Variants in LMO7 observed in about 807,000 individuals in gnomAD.
LMO7 encodes the protein LIM domain only protein 7.
A neutral mutation model predicts 206.5 loss-of-function variants in LMO7; 120 were observed. That is an observed-to-expected ratio of 0.58 (90% CI 0.50 to 0.68). The LOEUF (loss-of-function observed/expected upper bound fraction) is 0.68, where lower values mean the gene tolerates loss of function less well. Among genes scored for constraint, LMO7 ranks in the 30% least tolerant of loss-of-function variants. LMO7 has a pLI of 0.00. For synonymous variants in LMO7, 706 were observed against 681.5 expected, an observed-to-expected ratio of 1.04 and a Z score of -0.56; for missense variants, 1,959 against 1,957.9, an observed-to-expected ratio of 1.00 and a Z score of -0.01.
intron 17 of LMO7, chr13:75,835,032 C>A: frequency 1.9e-6 from 1 of 524,354 alleles, no homozygotes; most frequent in Non-Finnish European, 3.0e-6. Flanking sequence ...ATTTCACACG[C>A]TGCCTGATTT....
chr13:75,685,712 A>T (rs1489418287), intron 1 of LMO7, among the ~76,000 whole-genome samples: 1 of 152,036 alleles, frequency 6.6e-6, no homozygotes, highest in East Asian at 1.9e-4. Context: ...ATAGACAAAA[A>T]ATTTGAAGAG....
intron 1 of LMO7, among the ~76,000 whole-genome samples, chr13:75,693,890 A>T (rs1273036454): frequency 1.3e-5 from 2 of 152,102 alleles, no homozygotes; most frequent in African/African-American, 2.4e-5. Flanking sequence ...ATTGTACCTA[A>T]AGTCAACATC....
At chr13:75,756,320 T>G (rs1228646517) in intron 3 of LMO7, among the ~76,000 whole-genome samples, 3 of 152,154 alleles carry the variant, frequency 2.0e-5, no homozygotes, top group African/African-American at 7.2e-5. Context: ...GATAATTGTA[T>G]TTGCAGAAAC....
chr13:75,686,178 C>T lies in LMO7; in HGVS notation c.70-27004C>T, dbSNP rs188424199. 1.3e-3 allele frequency among the ~76,000 whole-genome samples: 199 copies of T among 152,160 alleles called. 2 individuals are homozygous for T. The highest frequency in any genetic ancestry group is 4.5e-3 in the African/African-American group (187 of 41,516). ...ACAGGGGTGTATTAGTCCATTTTCA[C>T]GCTACTGATAAGGACATACCCAAGA... On this transcript the variant is annotated intron_variant, in intron 1 of 30. Coordinates refer to ENST00000377534, the MANE Select transcript of LMO7 (RefSeq NM_001306080.2).
chr13:75,817,292 G>T lies in LMO7; in HGVS notation c.2064+14G>T. ...AAATGGCAGGATGTGAGTATTTTGG[G>T]GATTGGAGGGGAGAGAGTGTATTTG... On this transcript the variant is annotated intron_variant, in intron 12 of 30. Transcript: ENST00000377534. 1 of 1,478,142 alleles carries T rather than the reference G, an allele frequency of 6.8e-7. No homozygotes were observed. Among genetic ancestry groups the T allele is most frequent in the South Asian group, 1.1e-5 (1 of 88,314 alleles). 91.6% of individuals were successfully genotyped at this position (1,478,142 alleles called of 1,614,324 possible).
At chr13:75,722,660 A>G (rs771757136) in intron 2 of LMO7, among the ~76,000 whole-genome samples, 1 of 152,224 alleles carries the variant, frequency 6.6e-6, no homozygotes, top group Admixed American at 6.5e-5. Context: ...ATCTGCCATT[A>G]CTAGGTATCT....
At chr13:75,763,236 G>A (rs1018909480) in intron 4 of LMO7, among the ~76,000 whole-genome samples, 20 of 152,182 alleles carry the variant, frequency 1.3e-4, no homozygotes, top group African/African-American at 3.6e-4. Context: ...ATGGGTCAGG[G>A]ATGCTGCTGA....
At chr13:75,782,127 T>C (rs2051579589) in intron 4 of LMO7, among the ~76,000 whole-genome samples, 1 of 152,224 alleles carries the variant, frequency 6.6e-6, no homozygotes, top group Non-Finnish European at 1.5e-5. Flanking sequence ...AGCTCTTTAG[T>C]TTAATTAGAT....
chr13:75,823,454 C>A, intron 14 of LMO7, 111 bp from the exon 15 acceptor site: 1 of 799,152 alleles, frequency 1.3e-6, no homozygotes, highest in Non-Finnish European at 1.9e-6. Flanking sequence ...AGTTATGTTA[C>A]TGTGGGAGGT....
intron 11 of LMO7, among the ~76,000 whole-genome samples, chr13:75,814,739 G>A (rs1016797757): frequency 2.6e-5 from 4 of 152,208 alleles, no homozygotes; most frequent in African/African-American, 9.7e-5. Context: ...TGGGTCAGGG[G>A]AGAGGGGCAT....
chr13:75,680,687 A>G (rs750282536), intron 1 of LMO7, among the ~76,000 whole-genome samples: 2 of 151,938 alleles, frequency 1.3e-5, no homozygotes, highest in Admixed American at 6.6e-5. Flanking sequence ...CGTCACCTGT[A>G]TTAGGTATTT....
chr13:75,636,916 G>A lies in LMO7; in HGVS notation c.69+190G>A, dbSNP rs537828582. On this transcript the variant is annotated intron_variant, in intron 1 of 30. Coordinates refer to ENST00000377534, the MANE Select transcript of LMO7 (RefSeq NM_001306080.2). The stretch of plus-strand genomic sequence containing the variant: ...CTGCCGCTCCTGCATCTTATGTCCC[G>A]CTTAGATTGGCGCTGCCCTAACCCC... Among the ~76,000 whole-genome samples, 496 of 152,288 alleles carry A rather than the reference G, an allele frequency of 3.3e-3. 4 individuals are homozygous for A. Among genetic ancestry groups the A allele is most frequent in the African/African-American group, 0.011 (472 of 41,564 alleles).
intron 4 of LMO7, among the ~76,000 whole-genome samples, chr13:75,767,162 T>A (rs2049012350): frequency 6.6e-6 from 1 of 152,118 alleles, no homozygotes; most frequent in Admixed American, 6.6e-5. Context: ...AAAGTTTTAA[T>A]AAATCCTTGT....
chr13:75,633,408 C>A (rs760164913), upstream of LMO7, among the ~76,000 whole-genome samples: 37 of 152,130 alleles, frequency 2.4e-4, no homozygotes, highest in Non-Finnish European at 4.4e-4. Context: ...ATGAGCCTAA[C>A]AAACAAAAAC....
intron 1 of LMO7, among the ~76,000 whole-genome samples, chr13:75,652,562 G>A (rs562480554): frequency 6.6e-6 from 1 of 152,028 alleles, no homozygotes; most frequent in South Asian, 2.1e-4. Flanking sequence ...CACTTTGGGA[G>A]GCAGTAAAGA....
At chr13:75,798,630 G>A (rs1221952938) in intron 6 of LMO7, among the ~76,000 whole-genome samples, 1 of 152,160 alleles carries the variant, frequency 6.6e-6, no homozygotes, top group African/African-American at 2.4e-5. Flanking sequence ...TATATCACAT[G>A]TTTTGTATCA....
At chr13:75,820,360 A>G (rs535136120) in intron 13 of LMO7, among the ~76,000 whole-genome samples, 1 of 152,308 alleles carries the variant, frequency 6.6e-6, no homozygotes, top group South Asian at 2.1e-4. Flanking sequence ...GCTATGTGAA[A>G]TCATACACCA....
intron 3 of LMO7, among the ~76,000 whole-genome samples, chr13:75,739,929 G>C (rs1036027287): frequency 1.3e-5 from 2 of 152,128 alleles, no homozygotes; most frequent in Non-Finnish European, 2.9e-5. Context: ...ACCAAGAGAT[G>C]AGACCTCAAG....
At chr13:75,743,625 C>T (rs1056567860) in intron 3 of LMO7, among the ~76,000 whole-genome samples, 6 of 152,140 alleles carry the variant, frequency 3.9e-5, no homozygotes, top group Non-Finnish European at 7.4e-5. Flanking sequence ...CATATGTTCT[C>T]ACATATAAGT....
Sources: allele counts gnomAD v4.1 joint callset (sites outside exome capture counted in the v4.1 genomes callset), GRCh38; gene constraint gnomAD v4.1.1; transcripts MANE v1.5; gene names NCBI Gene and HGNC (gene_info 2026-07-23, HGNC 2026-07-21).